Variants in PHF14 observed in about 807,000 individuals in gnomAD.
PHF14 encodes the protein PHD finger protein 14.
Under a neutral mutation model 117.9 loss-of-function variants are expected in PHF14, and 55 were observed. That is an observed-to-expected ratio of 0.47 (90% CI 0.38 to 0.58). The LOEUF is 0.58. Among genes scored for constraint, PHF14 ranks in the 20% least tolerant of loss-of-function variants. PHF14 has a pLI of 0.00. For missense variants in PHF14, 978 were observed against 1,122.2 expected (o/e 0.87, Z 1.84); for synonymous variants, 409 against 368.6 (o/e 1.11, Z -1.26).
At chr7:11,007,010 TA>T (rs1486785819) in intron 4 of PHF14, 4 of 321,226 alleles carry the variant, frequency 1.2e-5, no homozygotes, top group Admixed American at 4.2e-5. Context: ...CTCCCTTCTC[TA>T]CTAAAAATAC....
chr7:11,044,053 G>A (rs997600955), intron 13 of PHF14, among the ~76,000 whole-genome samples: 1 of 152,010 alleles, frequency 6.6e-6, no homozygotes, highest in African/African-American at 2.4e-5. Flanking sequence ...GGCAGCTGGA[G>A]GCCATTATAC....
At chr7:11,102,249 A>G (rs977496427) in intron 16 of PHF14, among the ~76,000 whole-genome samples, 15 of 151,804 alleles carry the variant, frequency 9.9e-5, no homozygotes, top group African/African-American at 2.4e-5. Context: ...AACCAAAAGT[A>G]ATAATAATAA....
At chr7:11,071,320 A>G (rs1358527521) in intron 16 of PHF14, 2 of 515,760 alleles carry the variant, frequency 3.9e-6, no homozygotes, top group South Asian at 1.4e-5. Context: ...TGTGTAACAT[A>G]CTCAGTAGCA....
At chr7:11,015,350 G>A (rs1783498516) in intron 5 of PHF14, 1 of 152,096 alleles carries the variant, frequency 6.6e-6, no homozygotes, top group Admixed American at 6.5e-5. Flanking sequence ...ATGTGTTGAT[G>A]TTCAGGACAA....
intron 16 of PHF14, among the ~76,000 whole-genome samples, chr7:11,098,923 A>G (rs1374023063): frequency 6.6e-6 from 1 of 152,218 alleles, no homozygotes; most frequent in East Asian, 1.9e-4. Context: ...ATGATGCTTC[A>G]TTGTATGTCA....
intron 16 of PHF14, among the ~76,000 whole-genome samples, chr7:11,072,759 A>G (rs933114368): frequency 6.6e-6 from 1 of 152,198 alleles, no homozygotes; most frequent in African/African-American, 2.4e-5. Context: ...ATAGTTCTGC[A>G]GGCTGTTCAA....
chr7:10,991,595 C>G (rs1448375029), intron 4 of PHF14, among the ~76,000 whole-genome samples: 2 of 152,050 alleles, frequency 1.3e-5, no homozygotes, highest in Non-Finnish European at 2.9e-5. Flanking sequence ...CAGGCGTAAG[C>G]CACCGCACCT....
intron 17 of PHF14, among the ~76,000 whole-genome samples, chr7:11,146,585 A>C (rs1273835944): frequency 6.6e-6 from 1 of 152,198 alleles, no homozygotes; most frequent in Non-Finnish European, 1.5e-5. Context: ...CACTAAATTG[A>C]AATTGAGAGA....
chr7:11,015,918 G>A (rs1783519124), intron 5 of PHF14, among the ~76,000 whole-genome samples: 1 of 150,948 alleles, frequency 6.6e-6, no homozygotes, highest in Non-Finnish European at 1.5e-5. Context: ...TGGAAAGACA[G>A]AACTTCCTTT....
At chr7:11,104,527 GA>G in intron 16 of PHF14, 1 of 981,716 alleles carries the variant, frequency 1.0e-6, no homozygotes, top group Non-Finnish European at 1.2e-6. Context: ...ACCTACATAA[GA>G]AAAAAATGGC....
chr7:11,135,088 A>G (rs1788182540), intron 17 of PHF14, among the ~76,000 whole-genome samples: 1 of 152,116 alleles, frequency 6.6e-6, no homozygotes, highest in South Asian at 2.1e-4. Flanking sequence ...TTAGTTTCTT[A>G]GATGTACTCA....
At chr7:11,046,167 T>TA (rs1218886049) in intron 13 of PHF14, among the ~76,000 whole-genome samples, 1 of 152,216 alleles carries the variant, frequency 6.6e-6, no homozygotes, top group Non-Finnish European at 1.5e-5. Flanking sequence ...TAGTTTATGT[T>TA]ATTTTGATTT....
intron 17 of PHF14, among the ~76,000 whole-genome samples, chr7:11,139,341 C>T (rs781676614): frequency 6.6e-6 from 1 of 152,078 alleles, no homozygotes; most frequent in Non-Finnish European, 1.5e-5. Context: ...GTATTCTCAC[C>T]TGTTTCTTCT....
intron 4 of PHF14, among the ~76,000 whole-genome samples, chr7:10,995,830 C>T (rs1482839248): frequency 2.0e-5 from 3 of 152,214 alleles, no homozygotes; most frequent in Admixed American, 1.3e-4. Context: ...TGGCAGTGCC[C>T]GCCAAGCCCA....
chr7:11,059,032 C>T (rs1410160995), intron 14 of PHF14, among the ~76,000 whole-genome samples: 1 of 151,892 alleles, frequency 6.6e-6, no homozygotes. Context: ...AATAAATGTA[C>T]TTAAAGTGAC....
chr7:11,086,586 C>G (rs536961562), intron 16 of PHF14, among the ~76,000 whole-genome samples: 37 of 152,086 alleles, frequency 2.4e-4, no homozygotes, highest in African/African-American at 8.2e-4. Context: ...AGGTCCGAAG[C>G]CAATGCTTAT....
In PHF14 at chr7:11,111,256, A is replaced by G. The variant is rs184357515; in HGVS notation, c.2655-94A>G. The G allele has an allele frequency of 2.4e-5, 13 of 531,866 alleles. No individual in the cohort carries two copies. The Admixed American group carries it at 2.7e-4, about 11-fold the overall frequency. The allele number at this position is 531,866 out of a possible 1,614,324, so 32.9% of individuals were successfully genotyped here. A position where few individuals can be genotyped will look rare whatever the true frequency, so the allele number is the denominator to read the frequency against. ...GATAAAATTAACAGTGTTGAAGTTG[A>G]AATATACAATAGTTTGTCTTTTTGT... On this transcript the variant is annotated intron_variant, in intron 16 of 17. Transcript: ENST00000634607.
intron 17 of PHF14, among the ~76,000 whole-genome samples, chr7:11,144,767 A>G (rs1017304524): frequency 6.6e-6 from 1 of 151,786 alleles, no homozygotes; most frequent in Non-Finnish European, 1.5e-5. Context: ...TGTGGGGGGA[A>G]GAAAAGGAAG....
intron 13 of PHF14, among the ~76,000 whole-genome samples, chr7:11,049,817 A>G (rs544492127): frequency 6.6e-6 from 1 of 152,316 alleles, no homozygotes; most frequent in African/African-American, 2.4e-5. Flanking sequence ...TGCAGGAGCA[A>G]TTTAATATAT....
Sources: gnomAD v4.1 joint callset for allele counts (sites outside exome capture counted in the v4.1 genomes callset) on GRCh38, gnomAD v4.1.1 for gene constraint, MANE v1.5 for transcripts, NCBI Gene and HGNC (gene_info 2026-07-23, HGNC 2026-07-21) for gene names.